DNM1L: variants seen among roughly 807,000 people sequenced by gnomAD.
DNM1L encodes the protein dynamin-1-like protein.
DNM1L carries 33 observed loss-of-function variants against 92.8 expected under a neutral mutation model. That is an observed-to-expected ratio of 0.36 (90% CI 0.27 to 0.48). The LOEUF (loss-of-function observed/expected upper bound fraction) is 0.48, where lower values mean the gene tolerates loss of function less well. Among genes scored for constraint, DNM1L ranks in the 20% least tolerant of loss-of-function variants. DNM1L has a pLI of 0.99. For synonymous variants in DNM1L, 284 were observed against 305.0 expected, an observed-to-expected ratio of 0.93 and a Z score of 0.72; for missense variants, 485 against 888.8, an observed-to-expected ratio of 0.55 and a Z score of 5.78.
At chr12:32,726,767 C>T in intron 9 of DNM1L, 1 of 616,664 alleles carries the variant, frequency 1.6e-6, no homozygotes, top group Non-Finnish European at 2.9e-6. Flanking sequence ...TTCCTTTTTT[C>T]CAATCTATCT....
intron 4 of DNM1L, chr12:32,709,557 A>G (rs1273439846): frequency 1.3e-5 from 2 of 152,236 alleles, no homozygotes; most frequent in Admixed American, 6.5e-5. Context: ...CTAAAAGATG[A>G]AAAGTCCCCC....
Position 32,718,723 on chromosome 12 carries a change from G to T in DNM1L, c.700G>T (p.Val234Phe). ...TDAMDVLMGRVIPVKLGIIGV... is the reference protein window; with the variant it reads ...TDAMDVLMGRFIPVKLGIIGV... ...TGCCATGGATGTATTGATGGGAAGG[G>T]TTATTCCAGTCAAACTTGGAATAAT... The change falls in exon 7 of 20, where the codon GTT becomes TTT. Residue 234 changes from valine to phenylalanine, a missense_variant. Val to Phe is a conservative substitution (Grantham distance 50, BLOSUM62 -1). Transcript: ENST00000549701. 1 of 1,613,876 alleles carries T rather than the reference G, an allele frequency of 6.2e-7. No individual in the cohort carries two copies. The highest frequency in any genetic ancestry group is 8.5e-7 in the Non-Finnish European group (1 of 1,179,862).
intron 9 of DNM1L, among the ~76,000 whole-genome samples, chr12:32,723,693 CAA>C (rs1172541097): frequency 8.2e-4 from 46 of 56,022 alleles, no homozygotes; most frequent in African/African-American, 2.2e-3. Context: ...GACTCTGTCT[CAA>C]AAAAAAAAAA....
At position 32,731,729 on chromosome 12, in the gene DNM1L, C is replaced by T. The variant is rs904161998; in HGVS notation, c.1357-125C>T. ...TAAAAGAAAATGACTGTTAGCCTGG[C>T]ATGGTGGCTTCTACATGTAGTCTCA... On this transcript the variant is annotated intron_variant, in intron 11 of 19. Coordinates refer to ENST00000549701, the MANE Select transcript of DNM1L (RefSeq NM_012062.5). The surrounding 1 kb of genome is among the most constrained non-coding windows in gnomAD (Gnocchi z 5.1). 5.1e-6 allele frequency: 5 copies of T among 979,108 alleles called. No individual in the cohort carries two copies. The African/African-American group carries it at 8.1e-5, about 16-fold the overall frequency. 60.7% of individuals were successfully genotyped at this position (979,108 alleles called of 1,614,324 possible). A position where few individuals can be genotyped will look rare whatever the true frequency, so the allele number is the denominator to read the frequency against.
At chr12:32,725,234 G>T (rs1400960162) in intron 9 of DNM1L, 5 of 152,032 alleles carry the variant, frequency 3.3e-5, no homozygotes, top group African/African-American at 4.8e-5. Flanking sequence ...AAGACATCTT[G>T]TAAGAACTAA....
At chr12:32,684,934 A>C (rs1292679224) in intron 1 of DNM1L, among the ~76,000 whole-genome samples, 4 of 150,346 alleles carry the variant, frequency 2.7e-5, no homozygotes, top group Non-Finnish European at 4.4e-5. Context: ...TTTTTGTGTG[A>C]ATGTGTATTT....
At chr12:32,693,742 A>G (rs1285877481) in intron 1 of DNM1L, among the ~76,000 whole-genome samples, 1 of 150,826 alleles carries the variant, frequency 6.6e-6, no homozygotes, top group Non-Finnish European at 1.5e-5. Flanking sequence ...GGCTCAAGTG[A>G]TCCATCTGTC....
At chr12:32,738,044 C>T in intron 15 of DNM1L, 102 bp downstream of exon 15, 2 of 1,327,692 alleles carry the variant, frequency 1.5e-6, no homozygotes, top group Non-Finnish European at 2.2e-6. Context: ...ATATGGGATA[C>T]TGTGCTAAGG....
At chr12:32,690,285 C>T (rs765531630) in intron 1 of DNM1L, among the ~76,000 whole-genome samples, 6 of 152,196 alleles carry the variant, frequency 3.9e-5, no homozygotes, top group Middle Eastern at 6.8e-3. Flanking sequence ...GAATTAGTTG[C>T]CAATGTTTAA....
intron 16 of DNM1L, 21 bp downstream of exon 16, chr12:32,738,317 T>A (rs1293434637): frequency 1.2e-6 from 2 of 1,613,354 alleles, no homozygotes; most frequent in African/African-American, 2.7e-5. Context: ...TGCTTCAGAA[T>A]GGAAATGTTG....
intron 1 of DNM1L, among the ~76,000 whole-genome samples, chr12:32,684,597 GC>G (rs1951927725): frequency 6.6e-6 from 1 of 151,972 alleles, no homozygotes; most frequent in Non-Finnish European, 1.5e-5. Context: ...TTCTGCCTCA[GC>G]CCGGATTACA....
At chr12:32,722,666 C>T (rs780477539) in intron 9 of DNM1L, 33 bp downstream of exon 9, 2 of 1,538,580 alleles carry the variant, frequency 1.3e-6, no homozygotes, top group Non-Finnish European at 1.8e-6. Context: ...GATTTGGTTA[C>T]CTAGATTGCT....
intron 14 of DNM1L, 110 bp downstream of exon 14, chr12:32,737,271 C>T: frequency 9.1e-7 from 1 of 1,096,824 alleles, no homozygotes. Flanking sequence ...CCCTTTAACA[C>T]TCCATTGGAA....
At chr12:32,705,753 A>C in intron 2 of DNM1L, 2 of 1,394,094 alleles carry the variant, frequency 1.4e-6, no homozygotes, top group Non-Finnish European at 2.0e-6. Context: ...TGCACATTTG[A>C]ATTTTTAATA....
At chr12:32,726,758 T>C in intron 9 of DNM1L, 2 of 617,050 alleles carry the variant, frequency 3.2e-6, no homozygotes, top group Admixed American at 5.9e-5. Flanking sequence ...TGACATTCTT[T>C]CCTTTTTTCC....
Position 32,731,402 on chromosome 12 carries a change from TG to T in DNM1L, c.1249del (p.Val417Ter). 1 of 1,614,160 alleles carries T rather than the reference TG, an allele frequency of 6.2e-7. No individual in the cohort carries two copies. Among genetic ancestry groups the T allele is most frequent in the Non-Finnish European group, 8.5e-7 (1 of 1,180,014 alleles). ...GTGCCTGAGGTTTCATTTGAGTTAC[TG>T]GTGAAGCGGCAAATCAAACGTCTAG... is the stretch of plus-strand genomic sequence containing the variant. ...LFVPEVSFELLVKRQIKRLEE... is the reference protein window; with the variant it reads ...LFVPEVSFELXVKRQIKRLEE... On this transcript the variant is annotated frameshift_variant, in exon 11 of 20. Transcript: ENST00000549701. LOFTEE classifies it high-confidence loss of function. This position sits in a 1 kb window ranked among gnomAD's most constrained non-coding sequence, Gnocchi z 5.1.
At chr12:32,699,658 GTGT>G (rs1264811327) in intron 1 of DNM1L, among the ~76,000 whole-genome samples, 1 of 151,956 alleles carries the variant, frequency 6.6e-6, no homozygotes, top group African/African-American at 2.4e-5. Context: ...GCTGGGCGTG[GTGT>G]CACACGCCTG....
At chr12:32,732,960 G>A (rs549530902) in intron 12 of DNM1L, among the ~76,000 whole-genome samples, 6 of 152,166 alleles carry the variant, frequency 3.9e-5, no homozygotes, top group Non-Finnish European at 8.8e-5. Context: ...GCCGGGCGTG[G>A]TGGTGCATGC....
At chr12:32,682,991 T>A (rs1232675252) in intron 1 of DNM1L, among the ~76,000 whole-genome samples, 1 of 152,162 alleles carries the variant, frequency 6.6e-6, no homozygotes, top group Non-Finnish European at 1.5e-5. Flanking sequence ...ACAACTTTTG[T>A]GACTCAACTT....
Sources: gnomAD v4.1 joint callset for allele counts (sites outside exome capture counted in the v4.1 genomes callset) on GRCh38, gnomAD v4.1.1 for gene constraint, Gnocchi (gnomAD v3.1) non-coding constraint, MANE v1.5 for transcripts, NCBI Gene and HGNC (gene_info 2026-07-23, HGNC 2026-07-21) for gene names.